EMC8: variants seen among roughly 807,000 people sequenced by gnomAD.
EMC8 encodes the protein ER membrane protein complex subunit 8, also known as COX4 neighbor.
In EMC8, 11 loss-of-function variants were observed where a neutral mutation model predicts 24.3. That is an observed-to-expected ratio of 0.45 (90% confidence interval 0.28 to 0.75). The LOEUF (loss-of-function observed/expected upper bound fraction) is 0.75, where lower values mean the gene tolerates loss of function less well. Ranked by LOEUF, EMC8 falls within the 30% of genes least tolerant of loss-of-function variation. The pLI, the probability that EMC8 is intolerant of heterozygous loss-of-function variation, is 0.12. For missense variants in EMC8, 277 were observed against 282.7 expected, an observed-to-expected ratio of 0.98 and a Z score of 0.14; for synonymous variants, 145 against 117.7, an observed-to-expected ratio of 1.23 and a Z score of -1.50.
chr16:85,783,569 C>A (rs1904611327), intron 2 of EMC8, among the ~76,000 whole-genome samples: 5 of 152,194 alleles, frequency 3.3e-5, no homozygotes, highest in Admixed American at 3.3e-4. Context: ...TACTGCTCAC[C>A]ACTGCCTGCA....
chr16:85,781,614 CT>C (rs10673082), intron 2 of EMC8: 969 of 129,680 alleles, frequency 7.5e-3, no homozygotes, highest in South Asian at 0.033. Flanking sequence ...TTTTTTTTTG[CT>C]TTTTTTTTTT....
chr16:85,787,884 G>C (rs917347115), intron 2 of EMC8, among the ~76,000 whole-genome samples: 1 of 152,184 alleles, frequency 6.6e-6, no homozygotes, highest in Non-Finnish European at 1.5e-5. Context: ...TTTCTCATCA[G>C]AAACACTGGT....
intron 1 of EMC8, among the ~76,000 whole-genome samples, chr16:85,790,650 T>C (rs1252799398): frequency 6.6e-6 from 1 of 152,180 alleles, no homozygotes. Flanking sequence ...CCAGCCTTCA[T>C]GTGCCATCAT....
chr16:85,794,329 A>G (rs1232686268), intron 1 of EMC8, among the ~76,000 whole-genome samples: 1 of 152,172 alleles, frequency 6.6e-6, no homozygotes, highest in African/African-American at 2.4e-5. Flanking sequence ...AAGTTATTTC[A>G]TGGGCACTGG....
intron 1 of EMC8, among the ~76,000 whole-genome samples, chr16:85,795,238 T>C (rs933626047): frequency 6.6e-6 from 1 of 152,234 alleles, no homozygotes; most frequent in Non-Finnish European, 1.5e-5. Context: ...AAGAAGCTCC[T>C]AGAAGTTTCT....
intron 1 of EMC8, among the ~76,000 whole-genome samples, chr16:85,794,274 T>C (rs967114366): frequency 2.6e-5 from 4 of 152,236 alleles, no homozygotes; most frequent in African/African-American, 9.6e-5. Context: ...ACAAAATTTG[T>C]GGATGGACTC....
rs145637778 is a variant in EMC8, at chr16:85,781,221, G to A, written c.368C>T (p.Ala123Val). ...ACAGAAGCGACTTACCATGATGAGC[G>A]CAGTGTCGCTGAAGCCCTCGGCGAT... ...SRIAEGFSDT[A>V]LIMVDNTKFT... The change falls in exon 3 of 5, where the codon GCG (alanine) becomes GTG (valine). Residue 123 changes from alanine to valine, a missense_variant. By Grantham distance (64) the Ala-to-Val change is moderately conservative. Coordinates refer to ENST00000253457, the MANE Select transcript of EMC8 (RefSeq NM_006067.5). The A allele has an allele frequency of 1.3e-5, 21 of 1,613,126 alleles. No homozygotes were observed. The African/African-American group carries it at 2.1e-4, about 16-fold the overall frequency.
At chr16:85,790,904 G>A (rs186251318) in intron 1 of EMC8, among the ~76,000 whole-genome samples, 50 of 152,162 alleles carry the variant, frequency 3.3e-4, no homozygotes, top group Non-Finnish European at 6.6e-4. Context: ...ACAGTTCACT[G>A]CAGCCTTGAA....
intron 2 of EMC8, among the ~76,000 whole-genome samples, chr16:85,783,755 C>T (rs1190602740): frequency 3.3e-5 from 5 of 152,224 alleles, no homozygotes; most frequent in African/African-American, 9.6e-5. Flanking sequence ...TGGCCCTCCA[C>T]ACCAAGGCCT....
rs1904958035 is a variant in EMC8, at chr16:85,790,610, C to T, written c.232-1560G>A. 2.0e-5 allele frequency among the ~76,000 whole-genome samples: 3 copies of T among 152,208 alleles called. No individual in the cohort carries two copies. The South Asian group carries it at 6.2e-4, about 31-fold the overall frequency. On this transcript the variant is annotated intron_variant, in intron 1 of 4. Coordinates refer to ENST00000253457, the MANE Select transcript of EMC8 (RefSeq NM_006067.5). ...CTTGCTCTAAATTTGGTCAAGTTCC[C>T]TGATGAGCTGATCCTTGAGCACCGT...
chr16:85,788,915 C>T (rs776262653), intron 2 of EMC8, 59 bp downstream of exon 2: 72 of 1,212,232 alleles, frequency 5.9e-5, no homozygotes, highest in Non-Finnish European at 8.0e-5. Flanking sequence ...ACACGAGAGA[C>T]GGGGTCTGCC....
Position 85,799,227 on chromosome 16 carries a change from G to A in EMC8, c.69C>T (p.His23=). Reference sequence around the variant, plus strand: ...CCACCAGGAGCCCGTTGACGGCGCAGTGCGGGTACTTGGCGCCGTGCAGCA... The same window carrying A: ...CCACCAGGAGCCCGTTGACGGCGCAATGCGGGTACTTGGCGCCGTGCAGCA... ...KMVLHGAKYP[H]CAVNGLLVAE... Residue 23 remains histidine, a synonymous_variant, in exon 1 of 5, where the codon CAC becomes CAT. Transcript: ENST00000253457. This position sits in a 1 kb window ranked among gnomAD's most constrained non-coding sequence, Gnocchi z 4.2. 15 of 1,613,398 alleles carry A rather than the reference G, an allele frequency of 9.3e-6. No homozygotes were observed. Among genetic ancestry groups the A allele is most frequent in the Non-Finnish European group, 1.3e-5 (15 of 1,179,892 alleles).
chr16:85,784,694 CAA>C (rs1904670969), intron 2 of EMC8: 1 of 152,048 alleles, frequency 6.6e-6, no homozygotes, highest in African/African-American at 2.4e-5. Flanking sequence ...GCACTAACGG[CAA>C]GTGGTGAAGA....
chr16:85,794,087 G>A (rs1035405457), intron 1 of EMC8, among the ~76,000 whole-genome samples: 2 of 152,174 alleles, frequency 1.3e-5, no homozygotes, highest in African/African-American at 2.4e-5. Context: ...AGAGCCATGA[G>A]AACAAGGCCT....
intron 4 of EMC8, 93 bp downstream of exon 4, chr16:85,780,286 C>T (rs957554992): frequency 7.7e-6 from 7 of 903,550 alleles, no homozygotes; most frequent in South Asian, 1.4e-5. Context: ...CTGGAGAAAA[C>T]GCTAACTGAA....
chr16:85,795,142 A>T (rs1211488439), intron 1 of EMC8, among the ~76,000 whole-genome samples: 3 of 152,216 alleles, frequency 2.0e-5, no homozygotes, highest in Non-Finnish European at 4.4e-5. Context: ...TAGTCGGAAC[A>T]GAAGTGTTTA....
chr16:85,781,450 A>C (rs1163948542), intron 2 of EMC8, 170 bp from the exon 3 acceptor site: 9 of 592,058 alleles, frequency 1.5e-5, no homozygotes, highest in Non-Finnish European at 2.5e-5. Context: ...TTTTTGGTAG[A>C]GATAGGGTCT....
At chr16:85,786,775 G>A (rs950872026) in intron 2 of EMC8, among the ~76,000 whole-genome samples, 1 of 152,224 alleles carries the variant, frequency 6.6e-6, no homozygotes, top group Non-Finnish European at 1.5e-5. Flanking sequence ...GGAAAACTGT[G>A]TCCGAGTAGG....
At position 85,798,077 on chromosome 16, in the gene EMC8, G is replaced by C. The variant is rs527887199; in HGVS notation, c.231+988C>G. ...CAAAAACATAAAAGCGTGTTGGACAGATCGTCTGCTCCTGCTGTTTAATGT... is the reference window on the plus strand; with the variant it reads ...CAAAAACATAAAAGCGTGTTGGACACATCGTCTGCTCCTGCTGTTTAATGT... On this transcript the variant is annotated intron_variant, in intron 1 of 4. Coordinates refer to ENST00000253457, the MANE Select transcript of EMC8 (RefSeq NM_006067.5). Among the ~76,000 whole-genome samples, 26 of 147,080 alleles carry C rather than the reference G, an allele frequency of 1.8e-4. No homozygotes were observed. In the East Asian group the frequency reaches 3.0e-3, roughly 17 times the overall value.
Sources: allele counts gnomAD v4.1 joint callset (sites outside exome capture counted in the v4.1 genomes callset), GRCh38; gene constraint gnomAD v4.1.1; non-coding constraint Gnocchi (gnomAD v3.1); transcripts MANE v1.5; gene names NCBI Gene and HGNC (gene_info 2026-07-23, HGNC 2026-07-21).